Variants in CIT observed in about 807,000 individuals in gnomAD.
CIT encodes the protein citron rho-interacting serine/threonine kinase, also known as citron Rho-interacting kinase.
A neutral mutation model predicts 272.7 loss-of-function variants in CIT; 79 were observed. The observed-to-expected ratio is 0.29, with a 90% CI of 0.24 to 0.35. The LOEUF is 0.35. Ranked by LOEUF, CIT falls within the 10% of genes least tolerant of loss-of-function variation. The pLI is 1.00. For missense variants in CIT, 1,909 were observed against 2,618.3 expected (o/e 0.73, Z 5.91); for synonymous variants, 948 against 995.6 (o/e 0.95, Z 0.90).
chr12:119,717,838 C>CCTTTTTT (rs1957598855), intron 32 of CIT, among the ~76,000 whole-genome samples: 2 of 81,332 alleles, frequency 2.5e-5, no homozygotes, highest in Non-Finnish European at 4.5e-5. Flanking sequence ...TGACTTCTTT[C>CCTTTTTT]TTTTTTTTTT....
intron 9 of CIT, among the ~76,000 whole-genome samples, chr12:119,811,709 A>G (rs1192433039): frequency 6.6e-6 from 1 of 152,186 alleles, no homozygotes; most frequent in Non-Finnish European, 1.5e-5. Context: ...ACTTTTAGAG[A>G]TGCTTTCCCT....
At position 119,757,677 on chromosome 12, in the gene CIT, A is replaced by G. The variant is rs878891286; in HGVS notation, c.2532-132T>C. ...AGTGGACTAGGGCCATTCCTGGGTT[A>G]GCTGTCTCCTGATCTGGCCTCATAA... On this transcript the variant is annotated intron_variant, in intron 21 of 47. Coordinates refer to ENST00000392521, the MANE Select transcript of CIT (RefSeq NM_001206999.2). The G allele has an allele frequency of 4.4e-6, 5 of 1,148,930 alleles. No homozygotes were observed. In the South Asian group the frequency reaches 7.5e-5, roughly 17 times the overall value. The allele number at this position is 1,148,930 out of a possible 1,614,324, so 71.2% of individuals were successfully genotyped here.
At chr12:119,807,058 C>G (rs1197383723) in intron 9 of CIT, among the ~76,000 whole-genome samples, 2 of 152,192 alleles carry the variant, frequency 1.3e-5, no homozygotes, top group Non-Finnish European at 2.9e-5. Flanking sequence ...GGCATTATCA[C>G]CACCACTCAG....
chr12:119,753,225 G>A (rs778903920), intron 22 of CIT, among the ~76,000 whole-genome samples: 13 of 152,134 alleles, frequency 8.5e-5, no homozygotes, highest in Non-Finnish European at 1.9e-4. Context: ...AACACACTGC[G>A]ATGAGCTATG....
intron 4 of CIT, among the ~76,000 whole-genome samples, chr12:119,854,445 C>G (rs1380320715): frequency 6.6e-6 from 1 of 151,166 alleles, no homozygotes; most frequent in African/African-American, 2.4e-5. Flanking sequence ...CGAGACCAGC[C>G]TGGCCAACAT....
Position 119,713,169 on chromosome 12 carries a change from G to T in CIT, c.4579+34C>A. On this transcript the variant is annotated intron_variant, in intron 35 of 47. Coordinates refer to ENST00000392521, the MANE Select transcript of CIT (RefSeq NM_001206999.2). The surrounding 1 kb of genome is among the most constrained non-coding windows in gnomAD (Gnocchi z 5.2). ...CACTGGGGAGACCTGGGTTAGCCAC[G>T]TGCAATGACCTTCCCCCTGAATTAT... 6.4e-7 allele frequency: 1 copy of T among 1,556,072 alleles called. No individual in the cohort carries two copies. The highest frequency in any genetic ancestry group is 1.7e-5 in the Admixed American group (1 of 58,872).
intron 13 of CIT, 141 bp from the exon 14 acceptor site, chr12:119,776,983 A>C (rs751511389): frequency 5.6e-6 from 5 of 895,130 alleles, no homozygotes; most frequent in Non-Finnish European, 8.6e-6. Flanking sequence ...GGCCAGGTGC[A>C]GTGGCTCACG....
chr12:119,760,059 T>C (rs1038721403), intron 20 of CIT, among the ~76,000 whole-genome samples: 7 of 151,766 alleles, frequency 4.6e-5, no homozygotes, highest in Admixed American at 3.3e-4. Context: ...CGGTGGCACA[T>C]GCCTTTAATT....
chr12:119,850,216 G>C lies in CIT; in HGVS notation c.474C>G (p.Pro158=), dbSNP rs774724572. The change falls in exon 5 of 48, where the codon CCC becomes CCG. Residue 158 remains proline (P), a synonymous_variant. Transcript: ENST00000392521. ...ILSRSTSPWI[P]QLQYAFQDKN... ...TGTCCTGAAAGGCATACTGTAATTG[G>C]GGGATCCACGGGCTTGTGCTTCGAG... The C allele has an allele frequency of 6.2e-7, 1 of 1,613,474 alleles. No individual in the cohort carries two copies. Among genetic ancestry groups the C allele is most frequent in the Non-Finnish European group, 8.5e-7 (1 of 1,179,604 alleles).
chr12:119,765,110 A>C (rs1309723117), intron 19 of CIT, among the ~76,000 whole-genome samples: 2 of 152,010 alleles, frequency 1.3e-5, no homozygotes, highest in African/African-American at 2.4e-5. Context: ...ACCCAGCCCC[A>C]ATCAAATTCT....
chr12:119,761,548 C>T (rs1234717284), intron 19 of CIT, among the ~76,000 whole-genome samples: 3 of 152,050 alleles, frequency 2.0e-5, no homozygotes, highest in African/African-American at 4.8e-5. Context: ...GGAGAGAAGC[C>T]GAAGACAGGG....
intron 22 of CIT, among the ~76,000 whole-genome samples, chr12:119,756,738 C>T (rs1017109178): frequency 6.6e-6 from 1 of 152,084 alleles, no homozygotes; most frequent in East Asian, 1.9e-4. Context: ...CTGCCTCCAG[C>T]CCCACGTGTT....
chr12:119,686,132 C>T lies in CIT; in HGVS notation c.*2100G>A, dbSNP rs1238469660. On this transcript the variant is annotated 3_prime_UTR_variant, in exon 48 of 48. Coordinates refer to ENST00000392521, the MANE Select transcript of CIT (RefSeq NM_001206999.2). ...AAAAAGTAGAAACCAATTCAATTTCCTCTTTTTTTTTTTACGAATATAAAG... is the reference window on the plus strand; with the variant it reads ...AAAAAGTAGAAACCAATTCAATTTCTTCTTTTTTTTTTTACGAATATAAAG... 3 of 152,072 alleles carry T rather than the reference C, an allele frequency of 2.0e-5. No individual in the cohort carries two copies. In the East Asian group the frequency reaches 5.8e-4, roughly 29 times the overall value. The allele number at this position is 152,072 out of a possible 1,614,324, so 9.4% of individuals were successfully genotyped here. A position where few individuals can be genotyped will look rare whatever the true frequency, so the allele number is the denominator to read the frequency against.
At chr12:119,780,798 T>C (rs1042710130) in intron 13 of CIT, among the ~76,000 whole-genome samples, 7 of 152,178 alleles carry the variant, frequency 4.6e-5, no homozygotes, top group African/African-American at 1.7e-4. Flanking sequence ...AGTCATAAAA[T>C]AAATCCTTGT....
rs747734803 is a variant in CIT, at chr12:119,704,399, G to C, written c.5268C>G (p.Arg1756=). 14 of 1,613,874 alleles carry C rather than the reference G, an allele frequency of 8.7e-6. No individual in the cohort carries two copies. The highest frequency in any genetic ancestry group is 1.1e-5 in the Non-Finnish European group (13 of 1,179,886). Residue 1756 remains arginine (R), a synonymous_variant, in exon 41 of 48, where the codon CGC becomes CGG. Transcript: ENST00000392521. ...AGTATTTGCTGAGGTTTTCGTTGTA[G>C]CGGAGAATGACGACTTTGCTGGGCA... ...AAMPSKVVIL[R]YNENLSKYCI... is the part of the protein sequence containing the mutation.
chr12:119,821,578 T>G (rs1967726160), intron 9 of CIT, among the ~76,000 whole-genome samples: 1 of 152,164 alleles, frequency 6.6e-6, no homozygotes, highest in African/African-American at 2.4e-5. Context: ...TAAGTGGAGA[T>G]ACATTCTTAG....
intron 26 of CIT, 37 bp from the exon 27 acceptor site, chr12:119,730,667 C>G (rs1437917449): frequency 3.7e-6 from 6 of 1,600,494 alleles, no homozygotes; most frequent in Non-Finnish European, 4.3e-6. Context: ...TGGTAGCCCC[C>G]CAACAGCTGA....
chr12:119,756,387 T>A (rs953793325), intron 22 of CIT, among the ~76,000 whole-genome samples: 1 of 152,050 alleles, frequency 6.6e-6, no homozygotes, highest in Non-Finnish European at 1.5e-5. Flanking sequence ...GTTACAAAGT[T>A]TTCTGGGTTT....
chr12:119,851,467 C>G (rs1028190061), intron 4 of CIT, among the ~76,000 whole-genome samples: 7 of 152,068 alleles, frequency 4.6e-5, no homozygotes, highest in Non-Finnish European at 7.4e-5. Context: ...ATGACTGATG[C>G]CAGAGCCAGG....
Sources: allele counts gnomAD v4.1 joint callset (sites outside exome capture counted in the v4.1 genomes callset), GRCh38; gene constraint gnomAD v4.1.1; non-coding constraint Gnocchi (gnomAD v3.1); transcripts MANE v1.5; gene names NCBI Gene and HGNC (gene_info 2026-07-23, HGNC 2026-07-21).